Variants in RPH3AL observed in about 807,000 individuals in gnomAD.
The protein encoded by RPH3AL is rab effector Noc2.
RPH3AL carries 38 observed loss-of-function variants against 43.1 expected under a neutral mutation model. The ratio of observed to expected loss-of-function variants is 0.88; its 90% confidence interval spans 0.68 to 1.15. RPH3AL has a LOEUF of 1.15. Among genes scored for constraint, RPH3AL ranks in the 50% most tolerant of loss-of-function variants. RPH3AL has a pLI of 0.00. For missense variants in RPH3AL, 462 were observed against 423.2 expected, an observed-to-expected ratio of 1.09 and a Z score of -0.81; for synonymous variants, 189 against 176.3, an observed-to-expected ratio of 1.07 and a Z score of -0.57.
intron 6 of RPH3AL, among the ~76,000 whole-genome samples, chr17:253,223 G>A (rs2041955112): frequency 6.6e-6 from 1 of 152,156 alleles, no homozygotes; most frequent in South Asian, 2.1e-4. Flanking sequence ...AGGCCTTGGG[G>A]GCTGAGAGTG....
At chr17:231,647 G>A (rs1181026511) in intron 7 of RPH3AL, among the ~76,000 whole-genome samples, 2 of 152,236 alleles carry the variant, frequency 1.3e-5, no homozygotes, top group African/African-American at 4.8e-5. Flanking sequence ...ACGAGGCAGA[G>A]GCTAGCATGG....
In RPH3AL at chr17:323,606, C is replaced by T. The variant is rs2044539366; in HGVS notation, c.78-2191G>A. ...CAGGGCCCCCAGGTTCAGGGAATCACCACTCCCTCCACCCTCCAGCTAATG... is the reference window on the plus strand; with the variant it reads ...CAGGGCCCCCAGGTTCAGGGAATCATCACTCCCTCCACCCTCCAGCTAATG... On this transcript the variant is annotated intron_variant, in intron 3 of 9. Transcript: ENST00000331302. This position sits in a 1 kb window ranked among gnomAD's most constrained non-coding sequence, Gnocchi z 4.4. Among the ~76,000 whole-genome samples the T allele has an allele frequency of 6.6e-6, 1 of 152,134 alleles. No individual in the cohort carries two copies. Among genetic ancestry groups the T allele is most frequent in the Non-Finnish European group, 1.5e-5 (1 of 68,012 alleles).
chr17:241,282 G>T (rs779856343), intron 7 of RPH3AL, among the ~76,000 whole-genome samples: 4 of 152,004 alleles, frequency 2.6e-5, no homozygotes, highest in Non-Finnish European at 5.9e-5. Context: ...TGTAGTCCCA[G>T]CTACTGGGGA....
In RPH3AL at chr17:245,340, TGTGA is replaced by T. The variant is rs2041733875; in HGVS notation, c.613+1767_613+1770del. 1.3e-5 allele frequency among the ~76,000 whole-genome samples: 2 copies of T among 150,712 alleles called. No individual in the cohort carries two copies. The highest frequency in any genetic ancestry group is 2.1e-4 in the South Asian group (1 of 4,656). On this transcript the variant is annotated intron_variant, in intron 7 of 9. Transcript: ENST00000331302. This position sits in a 1 kb window ranked among gnomAD's most constrained non-coding sequence, Gnocchi z 5.9. ...GTGGATGTCAGTGTGTGTGTGTGGA[TGTGA>T]GTGTGTATGTGGATGTCAGTGTGTG...
intron 6 of RPH3AL, among the ~76,000 whole-genome samples, chr17:273,396 A>G (rs1170042944): frequency 1.9e-5 from 1 of 53,428 alleles, no homozygotes; most frequent in African/African-American, 5.3e-5. Flanking sequence ...GAGAGACCCC[A>G]GCGAGGGTGA....
intron 7 of RPH3AL, among the ~76,000 whole-genome samples, chr17:237,790 T>C (rs549383710): frequency 4.3e-4 from 66 of 152,312 alleles, no homozygotes; most frequent in African/African-American, 1.5e-3. Context: ...CTGAGAGCCC[T>C]CTGAACACTG....
chr17:344,151 C>G (rs920716722), intron 1 of RPH3AL, among the ~76,000 whole-genome samples: 4 of 132,690 alleles, frequency 3.0e-5, no homozygotes, highest in African/African-American at 5.2e-5. Context: ...TCATCACCAT[C>G]ATCATTTTTA....
intron 2 of RPH3AL, among the ~76,000 whole-genome samples, chr17:330,294 G>A (rs1207786756): frequency 6.6e-6 from 1 of 152,242 alleles, no homozygotes; most frequent in African/African-American, 2.4e-5. Context: ...AAGAGACCTG[G>A]GCAGCCCCAG....
At chr17:218,413 C>T (rs1343436569) in intron 8 of RPH3AL, among the ~76,000 whole-genome samples, 47 of 73,050 alleles carry the variant, frequency 6.4e-4, no homozygotes, top group Admixed American at 1.1e-3. Context: ...ATTTCGTTCC[C>T]ATCTGGGGCA....
intron 5 of RPH3AL, among the ~76,000 whole-genome samples, chr17:305,963 A>T (rs1288635481): frequency 6.6e-6 from 1 of 150,744 alleles, no homozygotes; most frequent in South Asian, 2.1e-4. Context: ...AGGCTCAAGC[A>T]ATCCTCAGCC....
intron 6 of RPH3AL, among the ~76,000 whole-genome samples, chr17:249,187 G>A (rs1489255182): frequency 6.6e-6 from 1 of 152,092 alleles, no homozygotes; most frequent in Non-Finnish European, 1.5e-5. Flanking sequence ...TAGTCAGGAG[G>A]GGTGGGAGCC....
chr17:268,553 GT>G (rs5818749), intron 6 of RPH3AL, among the ~76,000 whole-genome samples: 408 of 74,510 alleles, frequency 5.5e-3, no homozygotes, highest in African/African-American at 0.016. Context: ...ATGTTTTTGG[GT>G]TTTTTTTTTT....
Position 212,712 on chromosome 17 carries a change from C to T in RPH3AL, c.*1140G>A, listed in dbSNP as rs1012939387. On this transcript the variant is annotated 3_prime_UTR_variant, in exon 10 of 10. Transcript: ENST00000331302. ...GTGTGATCACCGACACACACACACA[C>T]GTTCTCTCTCTTCAGGGAAGGGTTT... The T allele has an allele frequency of 1.3e-5, 2 of 151,896 alleles. No homozygotes were observed. Among genetic ancestry groups the T allele is most frequent in the Admixed American group, 6.6e-5 (1 of 15,252 alleles). The allele number at this position is 151,896 out of a possible 1,614,324, so 9.4% of individuals were successfully genotyped here. A position where few individuals can be genotyped will look rare whatever the true frequency, so the allele number is the denominator to read the frequency against.
At chr17:324,219 A>G (rs913841117) in intron 3 of RPH3AL, among the ~76,000 whole-genome samples, 1 of 152,182 alleles carries the variant, frequency 6.6e-6, no homozygotes, top group Non-Finnish European at 1.5e-5. Flanking sequence ...AGCTGCTGAC[A>G]GCCCTGCTTG....
rs140581260 is a variant in RPH3AL at position 265,720 on chromosome 17, A to T, written c.438+16048T>A. Among the ~76,000 whole-genome samples, 814 of 152,356 alleles carry T rather than the reference A, an allele frequency of 5.3e-3. 23 individuals are homozygous for T. Among genetic ancestry groups the T allele is most frequent in the Admixed American group, 0.047 (724 of 15,306 alleles). On this transcript the variant is annotated intron_variant, in intron 6 of 9. Transcript: ENST00000331302. ...CAACATCTGAAAAGGGAGTCAGTGG[A>T]TATTAATTCATTCAAATCACATTTA...
intron 7 of RPH3AL, among the ~76,000 whole-genome samples, chr17:243,666 TACCTTCCTCTATTGAC>T: frequency 2.8e-5 from 4 of 141,532 alleles, no homozygotes; most frequent in Middle Eastern, 3.5e-3. Context: ...CTCTATTGAC[TACCTTCCTCTATTGAC>T]TACCTTCCTC....
chr17:300,192 G>A (rs1195732366), intron 5 of RPH3AL, among the ~76,000 whole-genome samples: 1 of 71,430 alleles, frequency 1.4e-5, no homozygotes, highest in Admixed American at 1.4e-4. Flanking sequence ...GGCTGGCCCA[G>A]CCTAGGCCTG....
intron 6 of RPH3AL, among the ~76,000 whole-genome samples, chr17:275,370 G>A (rs1300682006): frequency 1.3e-5 from 2 of 151,968 alleles, no homozygotes; most frequent in Non-Finnish European, 2.9e-5. Flanking sequence ...CATCAACATG[G>A]GTGAATTTCA....
Position 283,796 on chromosome 17 carries a change from A to G in RPH3AL, c.352-1942T>C, listed in dbSNP as rs565128275. 1.3e-5 allele frequency among the ~76,000 whole-genome samples: 2 copies of G among 152,150 alleles called. No individual in the cohort carries two copies. The highest frequency in any genetic ancestry group is 2.4e-5 in the African/African-American group (1 of 41,504). On this transcript the variant is annotated intron_variant, in intron 5 of 9. Coordinates refer to ENST00000331302, the MANE Select transcript of RPH3AL (RefSeq NM_006987.4). This position sits in a 1 kb window ranked among gnomAD's most constrained non-coding sequence, Gnocchi z 4.2. ...CCCTAGGCCACCATCCCTCACAGAG[A>G]CTGGTGACTCTCCCCTTCCCCAAGA...
Sources: allele counts gnomAD v4.1 joint callset (sites outside exome capture counted in the v4.1 genomes callset), GRCh38; gene constraint gnomAD v4.1.1; non-coding constraint Gnocchi (gnomAD v3.1); transcripts MANE v1.5; gene names NCBI Gene and HGNC (gene_info 2026-07-23, HGNC 2026-07-21).